Variants in CACNA2D1 observed in about 807,000 individuals in gnomAD.
CACNA2D1 encodes the protein voltage-dependent calcium channel subunit alpha-2/delta-1.
CACNA2D1 carries 53 observed loss-of-function variants against 171.5 expected under a neutral mutation model. The ratio of observed to expected loss-of-function variants is 0.31; its 90% confidence interval spans 0.25 to 0.39. The LOEUF (loss-of-function observed/expected upper bound fraction) is 0.39, where lower values mean the gene tolerates loss of function less well. CACNA2D1 is among the 10% of genes least tolerant of loss of function. The probability of loss-of-function intolerance (pLI) is 1.00; values close to 1 mark genes in which losing one functional copy is unlikely to be tolerated. For synonymous variants in CACNA2D1, 442 were observed against 443.1 expected (o/e 1.00, Z 0.03); for missense variants, 903 against 1,299.8 (o/e 0.69, Z 4.69).
intron 12 of CACNA2D1, among the ~76,000 whole-genome samples, chr7:82,027,350 G>A (rs551500588): frequency 6.6e-6 from 1 of 151,692 alleles, no homozygotes; most frequent in South Asian, 2.1e-4. Flanking sequence ...AGAAAATGTG[G>A]GATGTCATTT....
chr7:82,367,305 GT>G (rs1821851783), intron 1 of CACNA2D1, among the ~76,000 whole-genome samples: 1 of 152,106 alleles, frequency 6.6e-6, no homozygotes, highest in Admixed American at 6.5e-5. Context: ...GATGTGGAGG[GT>G]TTTTTGTATG....
At chr7:82,126,433 T>G (rs1790344578) in intron 5 of CACNA2D1, among the ~76,000 whole-genome samples, 1 of 152,208 alleles carries the variant, frequency 6.6e-6, no homozygotes, top group African/African-American at 2.4e-5. Flanking sequence ...TTTAAAATCT[T>G]TTTCCTGATA....
intron 3 of CACNA2D1, among the ~76,000 whole-genome samples, chr7:82,187,445 G>C (rs1024272474): frequency 4.6e-5 from 7 of 151,990 alleles, no homozygotes; most frequent in Admixed American, 4.6e-4. Flanking sequence ...TAAGGACAAT[G>C]TACAATAGTA....
chr7:82,294,356 T>C (rs1192102132), intron 3 of CACNA2D1, among the ~76,000 whole-genome samples: 1 of 152,118 alleles, frequency 6.6e-6, no homozygotes, highest in African/African-American at 2.4e-5. Context: ...TAACTTGATA[T>C]TAGGCTCCTT....
chr7:82,425,554 T>C (rs1347790137), intron 1 of CACNA2D1, among the ~76,000 whole-genome samples: 1 of 151,544 alleles, frequency 6.6e-6, no homozygotes, highest in East Asian at 2.0e-4. Context: ...TTTTTTTTTT[T>C]TTTAAGAGAC....
intron 4 of CACNA2D1, among the ~76,000 whole-genome samples, chr7:82,168,460 G>A (rs187655461): frequency 6.6e-6 from 1 of 151,960 alleles, no homozygotes; most frequent in Non-Finnish European, 1.5e-5. Context: ...CTTTTTCTTA[G>A]AAATAACTAA....
intron 18 of CACNA2D1, chr7:82,005,190 G>A: frequency 6.2e-6 from 3 of 485,772 alleles, no homozygotes; most frequent in Non-Finnish European, 7.5e-6. Flanking sequence ...GGTGATAATG[G>A]CTGTCTTTGA....
At chr7:82,114,760 G>GAAAAAAAAAAAAA (rs34240770) in intron 6 of CACNA2D1, among the ~76,000 whole-genome samples, 4 of 103,112 alleles carry the variant, frequency 3.9e-5, no homozygotes, top group Non-Finnish European at 6.2e-5. Context: ...CGTCCCAGAA[G>GAAAAAAAAAAAAA]AAAAAAAAAA....
chr7:82,242,241 A>G (rs1237711220), intron 3 of CACNA2D1, among the ~76,000 whole-genome samples: 1 of 151,858 alleles, frequency 6.6e-6, no homozygotes, highest in Non-Finnish European at 1.5e-5. Context: ...TAAGAACAGT[A>G]TAAGGGAGTG....
chr7:82,349,764 T>C, intron 1 of CACNA2D1, 115 bp from the exon 2 acceptor site: 1 of 850,736 alleles, frequency 1.2e-6, no homozygotes, highest in Non-Finnish European at 2.0e-6. Flanking sequence ...AAATTATTCC[T>C]CTCCCTCCTA....
intron 3 of CACNA2D1, among the ~76,000 whole-genome samples, chr7:82,277,557 C>T (rs1366508304): frequency 1.3e-5 from 2 of 151,870 alleles, no homozygotes; most frequent in Non-Finnish European, 2.9e-5. Flanking sequence ...ATTGCTGGTA[C>T]TTGGAATAAA....
At chr7:82,433,101 T>C (rs1490115059) in intron 1 of CACNA2D1, among the ~76,000 whole-genome samples, 2 of 150,402 alleles carry the variant, frequency 1.3e-5, no homozygotes, top group Non-Finnish European at 3.0e-5. Context: ...GACAAAAAAA[T>C]CACTTGAAGC....
At chr7:82,059,847 G>A (rs1806396580) in intron 10 of CACNA2D1, among the ~76,000 whole-genome samples, 1 of 147,494 alleles carries the variant, frequency 6.8e-6, no homozygotes, top group Non-Finnish European at 1.5e-5. Flanking sequence ...TCCTTTGTAG[G>A]GACATGGATG....
chr7:82,053,394 A>G (rs780502290), intron 10 of CACNA2D1, among the ~76,000 whole-genome samples: 8 of 148,900 alleles, frequency 5.4e-5, no homozygotes, highest in Non-Finnish European at 1.0e-4. Flanking sequence ...CTATGTCTCA[A>G]TGTAATCACT....
intron 23 of CACNA2D1, 51 bp downstream of exon 23, chr7:81,983,263 A>C (rs780158719): frequency 1.4e-6 from 2 of 1,471,142 alleles, no homozygotes; most frequent in Non-Finnish European, 1.9e-6. Flanking sequence ...TATCAGTGGA[A>C]ATGTCAAGTG....
chr7:82,253,511 A>T (rs1036341926), intron 3 of CACNA2D1, among the ~76,000 whole-genome samples: 2 of 152,230 alleles, frequency 1.3e-5, no homozygotes, highest in Non-Finnish European at 1.5e-5. Context: ...AGATGGTTTC[A>T]GGTTACAAGG....
intron 3 of CACNA2D1, among the ~76,000 whole-genome samples, chr7:82,208,998 C>T (rs1256704798): frequency 6.6e-6 from 1 of 152,082 alleles, no homozygotes; most frequent in African/African-American, 2.4e-5. Flanking sequence ...AAAAGCTCAG[C>T]TTATATATAA....
chr7:82,291,481 A>T (rs1178327459), intron 3 of CACNA2D1, among the ~76,000 whole-genome samples: 1 of 134,476 alleles, frequency 7.4e-6, no homozygotes, highest in Non-Finnish European at 1.5e-5. Context: ...ATATAAAAAT[A>T]TATTATATAT....
At chr7:82,396,441 A>C (rs953366392) in intron 1 of CACNA2D1, among the ~76,000 whole-genome samples, 1 of 152,228 alleles carries the variant, frequency 6.6e-6, no homozygotes, top group African/African-American at 2.4e-5. Flanking sequence ...CTGGCTCTTT[A>C]AAAATGAAGG....
Sources: gnomAD v4.1 joint callset for allele counts (sites outside exome capture counted in the v4.1 genomes callset) on GRCh38, gnomAD v4.1.1 for gene constraint, MANE v1.5 for transcripts, NCBI Gene and HGNC (gene_info 2026-07-23, HGNC 2026-07-21) for gene names.